The following SH2D3C variants were observed in gnomAD, a reference collection of about 807,000 sequenced individuals.
SH2D3C encodes the protein SH2 domain containing 3C, also known as SH2 domain-containing protein 3C.
In SH2D3C, 25 loss-of-function variants were observed where a neutral mutation model predicts 75.2. The ratio of observed to expected loss-of-function variants is 0.33; its 90% CI spans 0.24 to 0.46. SH2D3C has a LOEUF of 0.46. Ranked by LOEUF, SH2D3C falls within the 20% of genes least tolerant of loss-of-function variation. The probability of loss-of-function intolerance (pLI) is 1.00; values close to 1 mark genes in which losing one functional copy is unlikely to be tolerated. For missense variants in SH2D3C, 933 were observed against 1,165.3 expected, an observed-to-expected ratio of 0.80 and a Z score of 2.90; for synonymous variants, 450 against 473.7, an observed-to-expected ratio of 0.95 and a Z score of 0.65.
intron 3 of SH2D3C, chr9:127,755,057 G>C: frequency 8.6e-7 from 1 of 1,159,560 alleles, no homozygotes; most frequent in Non-Finnish European, 1.1e-6. Context: ...CGCGCGTGGC[G>C]GGGGCCGAGC....
rs1270542974 is a variant in SH2D3C, at chr9:127,763,159, C to CTCTT, written c.516-1513_516-1510dup. On this transcript the variant is annotated intron_variant, in intron 2 of 11. Transcript: ENST00000314830. Reference sequence around the variant, plus strand: ...GCTTCATGAAGCTTGTCCCTCCTCCCTCTTTATTCAGGGCTTTGCTTAATG... The same window carrying CTCTT: ...GCTTCATGAAGCTTGTCCCTCCTCCCTCTTTCTTTATTCAGGGCTTTGCTTAATG... Among the ~76,000 whole-genome samples, 15 of 152,348 alleles carry CTCTT rather than the reference C, an allele frequency of 9.8e-5. No homozygotes were observed. In the East Asian group the frequency reaches 2.9e-3, roughly 29 times the overall value.
intron 6 of SH2D3C, among the ~76,000 whole-genome samples, chr9:127,746,450 C>T (rs1463412934): frequency 2.6e-5 from 4 of 152,158 alleles, no homozygotes; most frequent in South Asian, 2.1e-4. Flanking sequence ...CACAGTGTTC[C>T]GTACTTTCCA....
At chr9:127,767,873 T>G (rs932178059) in intron 2 of SH2D3C, among the ~76,000 whole-genome samples, 1 of 152,258 alleles carries the variant, frequency 6.6e-6, no homozygotes, top group Non-Finnish European at 1.5e-5. Context: ...AGTGGGCCTC[T>G]GAGCTACTGC....
chr9:127,758,497 A>C (rs1257443386), intron 3 of SH2D3C, among the ~76,000 whole-genome samples: 1 of 152,160 alleles, frequency 6.6e-6, no homozygotes, highest in African/African-American at 2.4e-5. Flanking sequence ...GGGATGCTGA[A>C]ATATGCCCCC....
chr9:127,773,555 A>G (rs1029514624), intron 2 of SH2D3C, among the ~76,000 whole-genome samples: 1 of 152,180 alleles, frequency 6.6e-6, no homozygotes, highest in African/African-American at 2.4e-5. Flanking sequence ...TCTTTTGCTA[A>G]TTACAAGTAA....
rs1845322201 is a variant in SH2D3C at position 127,754,928 on chromosome 9, C to T, written c.556-3628G>A. On this transcript the variant is annotated intron_variant, in intron 3 of 11. Coordinates refer to ENST00000314830, the MANE Select transcript of SH2D3C (RefSeq NM_170600.3). The surrounding 1 kb of genome is among the most constrained non-coding windows in gnomAD (Gnocchi z 4.4). ...GCCCAGAGGTGAGGCTGGGGTGACC[C>T]CGCCCCCTCCCCGGGTCGGCCGGGC... The T allele has an allele frequency of 5.9e-6, 3 of 511,190 alleles. No homozygotes were observed. The highest frequency in any genetic ancestry group is 3.2e-5 in the South Asian group (2 of 62,588). The allele number at this position is 511,190 out of a possible 1,614,324, so 31.7% of individuals were successfully genotyped here.
At chr9:127,764,041 G>A (rs1013781979) in intron 2 of SH2D3C, among the ~76,000 whole-genome samples, 23 of 152,268 alleles carry the variant, frequency 1.5e-4, no homozygotes, top group African/African-American at 5.5e-4. Flanking sequence ...ATTCAGGCCC[G>A]GAAATCCTCC....
chr9:127,762,306 C>T (rs1845548213), intron 2 of SH2D3C: 6 of 1,291,652 alleles, frequency 4.6e-6, no homozygotes, highest in Non-Finnish European at 6.1e-6. Context: ...TGAACCACTC[C>T]CCCCACCGCA....
rs768922033 is a variant in SH2D3C, at chr9:127,774,032, T to A, written c.473A>T (p.Asp158Val). The A allele has an allele frequency of 8.7e-6, 14 of 1,613,938 alleles. No homozygotes were observed. In the South Asian group the frequency reaches 1.3e-4, roughly 15 times the overall value. The change falls in exon 2 of 12, where the codon GAC (aspartate) becomes GTC (valine). Residue 158 changes from aspartate (D) to valine (V), a missense_variant. Transcript: ENST00000314830. The surrounding 1 kb of genome is among the most constrained non-coding windows in gnomAD (Gnocchi z 4.3). ...CCTGGGAGGTCTCTCCTCTTCTACG[T>A]CTCCTGTGGGGACCTCAGGCTTTCT... Reference protein sequence around the residue: ...PIRKPEVPTGDVEEERPPRDV... With the variant: ...PIRKPEVPTGVVEEERPPRDV...
intron 6 of SH2D3C, 37 bp downstream of exon 6, chr9:127,747,110 T>C (rs1845051953): frequency 6.2e-7 from 1 of 1,600,832 alleles, no homozygotes; most frequent in Non-Finnish European, 8.5e-7. Flanking sequence ...CAACAACAGA[T>C]TCCCTCCACC....
At chr9:127,767,081 C>T (rs769885018) in intron 2 of SH2D3C, 6 of 1,536,082 alleles carry the variant, frequency 3.9e-6, no homozygotes, top group Admixed American at 2.0e-5. Flanking sequence ...AGATGGGCCA[C>T]CATTGTGCCC....
In SH2D3C at chr9:127,763,443, C is replaced by T. The variant is rs61412812; in HGVS notation, c.516-1793G>A. Among the ~76,000 whole-genome samples, 3,854 of 152,186 alleles carry T rather than the reference C, an allele frequency of 0.025. 250 individuals are homozygous for T. In the East Asian group the frequency reaches 0.27, roughly 11 times the overall value. ...ATTGCTTAAAGAAAAATTAGCCGGG[C>T]GTGGCAGTGAACGCCTGTAATCCTG... On this transcript the variant is annotated intron_variant, in intron 2 of 11. Coordinates refer to ENST00000314830, the MANE Select transcript of SH2D3C (RefSeq NM_170600.3).
chr9:127,757,149 G>A (rs949064109), intron 3 of SH2D3C, among the ~76,000 whole-genome samples: 2 of 149,392 alleles, frequency 1.3e-5, no homozygotes, highest in African/African-American at 5.0e-5. Flanking sequence ...CACCATGTTG[G>A]CCAGGCTGGT....
intron 2 of SH2D3C, among the ~76,000 whole-genome samples, chr9:127,772,791 C>T (rs1588526566): frequency 6.6e-6 from 1 of 151,786 alleles, no homozygotes; most frequent in Non-Finnish European, 1.5e-5. Context: ...GTAACCTTGG[C>T]TGAGTCTCAG....
At chr9:127,759,462 C>T (rs1164491120) in intron 3 of SH2D3C, among the ~76,000 whole-genome samples, 3 of 152,142 alleles carry the variant, frequency 2.0e-5, no homozygotes, top group African/African-American at 4.8e-5. Context: ...GTGATCTGCC[C>T]GCCTTGGCCT....
intron 2 of SH2D3C, among the ~76,000 whole-genome samples, 179 bp downstream of exon 2, chr9:127,773,811 G>A (rs571313631): frequency 1.5e-4 from 23 of 152,098 alleles, no homozygotes; most frequent in South Asian, 2.1e-4. Context: ...CCAGCTACTC[G>A]GGGGGCTGAG....
chr9:127,767,040 G>C, intron 2 of SH2D3C: 2 of 1,536,178 alleles, frequency 1.3e-6, no homozygotes, highest in Non-Finnish European at 1.7e-6. Flanking sequence ...TGCCGGGAAG[G>C]CTCTTGGCTT....
At position 127,749,388 on chromosome 9, in the gene SH2D3C, C is replaced by T. The variant is rs1482463796; in HGVS notation, c.962G>A (p.Arg321His). 1 of 1,614,016 alleles carries T rather than the reference C, an allele frequency of 6.2e-7. No homozygotes were observed. The highest frequency in any genetic ancestry group is 2.2e-5 in the East Asian group (1 of 44,878). The change falls in exon 5 of 12, where the codon CGC (arginine) becomes CAC (histidine). Residue 321 changes from arginine to histidine, a missense_variant. Physicochemically the swap from Arg to His is conservative, Grantham distance 29. Coordinates refer to ENST00000314830, the MANE Select transcript of SH2D3C (RefSeq NM_170600.3). The surrounding 1 kb of genome is among the most constrained non-coding windows in gnomAD (Gnocchi z 5.9). ...SGAIIYCPVNRTFPLRYLEAS... is the reference protein window; with the variant it reads ...SGAIIYCPVNHTFPLRYLEAS... The stretch of plus-strand genomic sequence containing the variant: ...CTCGAGGTAGCGCAGTGGGAAGGTG[C>T]GGTTCACCGGGCAGTAGATGATGGC...
chr9:127,776,319 C>A (rs1229944180), intron 1 of SH2D3C, among the ~76,000 whole-genome samples: 1 of 151,144 alleles, frequency 6.6e-6, no homozygotes, highest in Non-Finnish European at 1.5e-5. Flanking sequence ...GTTTTGTGCT[C>A]ATGTAGGGGG....
Sources: gnomAD v4.1 joint callset for allele counts (sites outside exome capture counted in the v4.1 genomes callset) on GRCh38, gnomAD v4.1.1 for gene constraint, Gnocchi (gnomAD v3.1) non-coding constraint, MANE v1.5 for transcripts, NCBI Gene and HGNC (gene_info 2026-07-23, HGNC 2026-07-21) for gene names.